Variants in LARGE1 observed in about 807,000 individuals in gnomAD.
LARGE1 encodes LARGE xylosyl- and glucuronyltransferase 1, also known as xylosyl- and glucuronyltransferase LARGE1.
In LARGE1, 43 loss-of-function variants were observed where a neutral mutation model predicts 87.6. The ratio of observed to expected loss-of-function variants is 0.49; its 90% CI spans 0.38 to 0.63. LARGE1 has a LOEUF of 0.63. LARGE1 is among the 30% of genes least tolerant of loss of function. The pLI is 0.00. For synonymous variants in LARGE1, 434 were observed against 394.6 expected (o/e 1.10, Z -1.18); for missense variants, 802 against 1,000.2 (o/e 0.80, Z 2.67).
At chr22:33,468,504 C>T (rs1290571663) in intron 6 of LARGE1, among the ~76,000 whole-genome samples, 1 of 152,200 alleles carries the variant, frequency 6.6e-6, no homozygotes, top group Non-Finnish European at 1.5e-5. Flanking sequence ...CTTTAGGCAG[C>T]ACATTCTGGA....
intron 9 of LARGE1, among the ~76,000 whole-genome samples, chr22:33,341,159 G>A (rs181377405): frequency 4.6e-5 from 7 of 152,118 alleles, no homozygotes; most frequent in Admixed American, 6.5e-5. Context: ...AAGAACCCTC[G>A]TGAGTGGATT....
the LARGE1 span, among the ~76,000 whole-genome samples, chr22:33,104,903 C>CTTTCTT: frequency 4.1e-4 from 22 of 53,786 alleles, no homozygotes; most frequent in Non-Finnish European, 4.5e-4. Flanking sequence ...TTCTTTCTTT[C>CTTTCTT]TTTCTTTCTT....
chr22:33,121,605 T>A, the LARGE1 span, among the ~76,000 whole-genome samples: 1 of 152,210 alleles, frequency 6.6e-6, no homozygotes, highest in Non-Finnish European at 1.5e-5. Flanking sequence ...GCTAAGGTTT[T>A]TGTCCCAGGA....
the LARGE1 span, among the ~76,000 whole-genome samples, chr22:33,140,298 A>G: frequency 6.6e-6 from 1 of 152,022 alleles, no homozygotes; most frequent in Admixed American, 6.6e-5. Flanking sequence ...CACCCAGAGC[A>G]GTGCTCCATC....
At chr22:33,453,569 A>G (rs2068022556) in intron 6 of LARGE1, among the ~76,000 whole-genome samples, 1 of 152,158 alleles carries the variant, frequency 6.6e-6, no homozygotes, top group African/African-American at 2.4e-5. Flanking sequence ...CAGTGAGATA[A>G]TGGTTCACTC....
chr22:33,109,855 A>G, the LARGE1 span, among the ~76,000 whole-genome samples: 1 of 152,104 alleles, frequency 6.6e-6, no homozygotes, highest in South Asian at 2.1e-4. Context: ...ATGTGACACC[A>G]CCTGCTCCAC....
At chr22:33,435,309 G>C (rs188208770) in intron 6 of LARGE1, among the ~76,000 whole-genome samples, 1 of 152,078 alleles carries the variant, frequency 6.6e-6, no homozygotes, top group Admixed American at 6.6e-5. Context: ...GCTCCTACGG[G>C]TATTTTGCCA....
chr22:33,697,207 G>A (rs919516787), intron 2 of LARGE1, among the ~76,000 whole-genome samples: 1 of 152,126 alleles, frequency 6.6e-6, no homozygotes, highest in African/African-American at 2.4e-5. Flanking sequence ...TTAGAGCTCT[G>A]AGTCCAGTCC....
At chr22:33,136,065 C>T in the LARGE1 span, among the ~76,000 whole-genome samples, 28 of 152,046 alleles carry the variant, frequency 1.8e-4, no homozygotes, top group Non-Finnish European at 4.4e-5. Flanking sequence ...AACAGAGACT[C>T]AGAGAATTTA....
At chr22:33,582,700 A>C (rs2078556888) in intron 5 of LARGE1, among the ~76,000 whole-genome samples, 1 of 152,148 alleles carries the variant, frequency 6.6e-6, no homozygotes, top group South Asian at 2.1e-4. Context: ...CACTGAACCA[A>C]GGGCTCCAAG....
intron 10 of LARGE1, among the ~76,000 whole-genome samples, chr22:33,328,992 A>G (rs1937478825): frequency 1.3e-5 from 2 of 152,134 alleles, no homozygotes; most frequent in Non-Finnish European, 2.9e-5. Flanking sequence ...CTTTCCCTGT[A>G]GAAAATTTCC....
chr22:33,621,523 T>C (rs1302929231), intron 4 of LARGE1, among the ~76,000 whole-genome samples: 1 of 152,238 alleles, frequency 6.6e-6, no homozygotes, highest in Non-Finnish European at 1.5e-5. Flanking sequence ...CTAATTACTA[T>C]AATTAACAGT....
intron 11 of LARGE1, among the ~76,000 whole-genome samples, chr22:33,228,610 C>A (rs1309438392): frequency 6.6e-6 from 1 of 152,232 alleles, no homozygotes; most frequent in South Asian, 2.1e-4. Context: ...AAATGTAATA[C>A]ACAGTCCTTT....
At chr22:33,268,697 G>A (rs1196308995), downstream of LARGE1, among the ~76,000 whole-genome samples, 2 of 152,154 alleles carry the variant, frequency 1.3e-5, no homozygotes, top group Non-Finnish European at 2.9e-5. Context: ...AAAGTGCTGG[G>A]ATTACAGGCA....
chr22:33,568,312 G>A (rs1048556155), intron 5 of LARGE1, among the ~76,000 whole-genome samples: 2 of 152,180 alleles, frequency 1.3e-5, no homozygotes, highest in African/African-American at 2.4e-5. Flanking sequence ...CAACCCTAAC[G>A]GAAACCAGAG....
intron 2 of LARGE1, among the ~76,000 whole-genome samples, chr22:33,752,157 A>G (rs532099502): frequency 2.5e-4 from 38 of 152,280 alleles, no homozygotes; most frequent in African/African-American, 8.9e-4. Flanking sequence ...CGCTGATGTG[A>G]GCACTCTAGT....
chr22:33,390,491 C>A (rs1221685125), intron 7 of LARGE1, among the ~76,000 whole-genome samples: 1 of 152,124 alleles, frequency 6.6e-6, no homozygotes, highest in Non-Finnish European at 1.5e-5. Flanking sequence ...CAGCAGAACC[C>A]ATGGGTGGCT....
chr22:33,162,453 C>T (rs1922062572), exon 12 of LARGE1: 1 of 152,232 alleles, frequency 6.6e-6, no homozygotes, highest in Non-Finnish European at 1.5e-5. Flanking sequence ...TTACCTCCCA[C>T]CAGGTCCCTC....
intron 5 of LARGE1, chr22:33,572,247 C>T (rs1476563588): frequency 3.2e-6 from 4 of 1,269,136 alleles, no homozygotes; most frequent in African/African-American, 1.5e-5. Flanking sequence ...AGTCATTTGC[C>T]TTTCATGTTG....
Sources: gnomAD v4.1 joint callset for allele counts (sites outside exome capture counted in the v4.1 genomes callset) on GRCh38, gnomAD v4.1.1 for gene constraint, MANE v1.5 for transcripts, NCBI Gene and HGNC (gene_info 2026-07-23, HGNC 2026-07-21) for gene names.